MAML2: variants seen among roughly 807,000 people sequenced by gnomAD.
The protein encoded by MAML2 is mastermind-like protein 2.
In MAML2, 22 loss-of-function variants were observed where a neutral mutation model predicts 96.1. The observed-to-expected ratio is 0.23, with a 90% CI of 0.16 to 0.33. The LOEUF (loss-of-function observed/expected upper bound fraction) is 0.33, where lower values mean the gene tolerates loss of function less well. Ranked by LOEUF, MAML2 falls within the 10% of genes least tolerant of loss-of-function variation. The probability of loss-of-function intolerance (pLI) is 1.00; values close to 1 mark genes in which losing one functional copy is unlikely to be tolerated. For synonymous variants in MAML2, 561 were observed against 521.3 expected (o/e 1.08, Z -1.04); for missense variants, 1,367 against 1,392.4 (o/e 0.98, Z 0.29).
intron 1 of MAML2, among the ~76,000 whole-genome samples, chr11:96,339,664 C>T (rs1342252048): frequency 6.6e-6 from 1 of 152,310 alleles, no homozygotes; most frequent in East Asian, 1.9e-4. Context: ...CACAAAGCCG[C>T]ATTATTGGGA....
intron 2 of MAML2, among the ~76,000 whole-genome samples, chr11:96,032,586 CAAA>C (rs59167571): frequency 1.1e-5 from 1 of 91,460 alleles, no homozygotes; most frequent in African/African-American, 4.1e-5. Flanking sequence ...GAGTCTGTCT[CAAA>C]AAAAAAAAAA....
intron 2 of MAML2, among the ~76,000 whole-genome samples, chr11:96,013,144 G>A (rs1345334541): frequency 6.6e-6 from 1 of 152,116 alleles, no homozygotes; most frequent in Admixed American, 6.5e-5. Context: ...GAGAGGTGAG[G>A]GGCAAGGGTT....
intron 3 of MAML2, among the ~76,000 whole-genome samples, chr11:95,986,440 T>A (rs1252302122): frequency 6.6e-6 from 1 of 151,962 alleles, no homozygotes; most frequent in Non-Finnish European, 1.5e-5. Flanking sequence ...GACCTCATGA[T>A]CCACCCAGCT....
In MAML2 at chr11:96,092,786, C is replaced by T; in HGVS notation, c.1245G>A (p.Gln415=). The change falls in exon 2 of 5, where the codon CAG becomes CAA. Residue 415 remains glutamine, a synonymous_variant. Coordinates refer to ENST00000524717, the MANE Select transcript of MAML2 (RefSeq NM_032427.4). The surrounding 1 kb of genome is among the most constrained non-coding windows in gnomAD (Gnocchi z 4.1). ...AGGCCCGGCTTGCTCCGGAGCCTGT[C>T]TGAGGCTGAGCCTGGCTCTGAGGGA... The part of the protein sequence containing the change: ...PSVPQSQAQP[Q]TGSGASRALP... 4 of 1,612,544 alleles carry T rather than the reference C, an allele frequency of 2.5e-6. No individual in the cohort carries two copies. Among genetic ancestry groups the T allele is most frequent in the Non-Finnish European group, 3.4e-6 (4 of 1,178,946 alleles).
intron 1 of MAML2, among the ~76,000 whole-genome samples, chr11:96,123,004 C>G (rs1860376505): frequency 1.3e-5 from 2 of 152,220 alleles, no homozygotes; most frequent in African/African-American, 4.8e-5. Flanking sequence ...CTGGCTGAAT[C>G]CATCTATTCA....
intron 1 of MAML2, among the ~76,000 whole-genome samples, chr11:96,169,529 G>A (rs922434471): frequency 6.6e-5 from 10 of 152,330 alleles, no homozygotes; most frequent in Non-Finnish European, 1.2e-4. Context: ...GTCCTGGGAC[G>A]CAAATTGAAA....
chr11:96,171,690 A>G (rs1861300079), intron 1 of MAML2, among the ~76,000 whole-genome samples: 1 of 152,272 alleles, frequency 6.6e-6, no homozygotes, highest in African/African-American at 2.4e-5. Context: ...AGTAATGAAG[A>G]GCCAAATCAG....
Position 96,111,010 on chromosome 11 carries a change from G to A in MAML2, c.514-17493C>T, listed in dbSNP as rs180760999. On this transcript the variant is annotated intron_variant, in intron 1 of 4. Coordinates refer to ENST00000524717, the MANE Select transcript of MAML2 (RefSeq NM_032427.4). ...TTGGATGCCTATCATGTATTATCAA[G>A]CCTATCATTTTCTCCATCAAAGAAA... is the stretch of plus-strand genomic sequence containing the variant. Among the ~76,000 whole-genome samples, 343 of 152,202 alleles carry A rather than the reference G, an allele frequency of 2.3e-3. 3 individuals are homozygous for A. The highest frequency in any genetic ancestry group is 6.0e-3 in the African/African-American group (247 of 41,500).
intron 1 of MAML2, among the ~76,000 whole-genome samples, chr11:96,139,947 A>T (rs1225433798): frequency 3.9e-5 from 6 of 152,208 alleles, no homozygotes; most frequent in Non-Finnish European, 1.5e-5. Flanking sequence ...TTCTATCTTT[A>T]AAAAAATCTA....
intron 1 of MAML2, among the ~76,000 whole-genome samples, chr11:96,248,104 GT>G (rs1255241683): frequency 2.1e-5 from 3 of 139,878 alleles, no homozygotes; most frequent in African/African-American, 5.2e-5. Flanking sequence ...AACTTCACCT[GT>G]TTTTTTACTT....
intron 1 of MAML2, among the ~76,000 whole-genome samples, chr11:96,154,214 G>C (rs934487892): frequency 1.3e-5 from 2 of 152,160 alleles, no homozygotes; most frequent in Non-Finnish European, 2.9e-5. Flanking sequence ...TCCTGATTCA[G>C]TAGGTCTCGG....
At chr11:96,141,440 C>T (rs902629073) in intron 1 of MAML2, among the ~76,000 whole-genome samples, 1 of 151,962 alleles carries the variant, frequency 6.6e-6, no homozygotes, top group Non-Finnish European at 1.5e-5. Context: ...CGTAAGAGGC[C>T]CCAGCTAGAG....
chr11:96,066,037 A>T (rs896783443), intron 2 of MAML2, among the ~76,000 whole-genome samples: 2 of 152,198 alleles, frequency 1.3e-5, no homozygotes, highest in East Asian at 1.9e-4. Context: ...TCGCTCCAAG[A>T]AAAGTGTCAA....
intron 1 of MAML2, among the ~76,000 whole-genome samples, chr11:96,253,521 A>G (rs1232263063): frequency 6.6e-6 from 1 of 152,212 alleles, no homozygotes; most frequent in African/African-American, 2.4e-5. Flanking sequence ...TAATGTTGTT[A>G]CTTCTGTACT....
chr11:96,291,546 T>C (rs1271679381), intron 1 of MAML2, among the ~76,000 whole-genome samples: 1 of 152,244 alleles, frequency 6.6e-6, no homozygotes. Context: ...CATAATACTC[T>C]GCTTTTAGTG....
At chr11:96,251,934 A>G (rs187696320) in intron 1 of MAML2, among the ~76,000 whole-genome samples, 6 of 151,974 alleles carry the variant, frequency 3.9e-5, no homozygotes, top group Admixed American at 2.6e-4. Context: ...GGGTTTCACC[A>G]TGTTAGCCAG....
intron 1 of MAML2, among the ~76,000 whole-genome samples, chr11:96,262,626 C>A (rs1862767015): frequency 6.6e-6 from 1 of 152,150 alleles, no homozygotes; most frequent in Non-Finnish European, 1.5e-5. Flanking sequence ...CGCCACCACG[C>A]CTGGCTAATG....
At chr11:96,097,739 G>C (rs1000353218) in intron 1 of MAML2, among the ~76,000 whole-genome samples, 35 of 152,176 alleles carry the variant, frequency 2.3e-4, no homozygotes, top group African/African-American at 7.7e-4. Context: ...TCAAAGGCAA[G>C]GGTACCTATG....
intron 2 of MAML2, among the ~76,000 whole-genome samples, chr11:96,008,501 G>T (rs1203465463): frequency 1.3e-5 from 2 of 152,256 alleles, no homozygotes; most frequent in South Asian, 2.1e-4. Flanking sequence ...CCAAATAACA[G>T]TTCACTGAGT....
Sources: allele counts gnomAD v4.1 joint callset (sites outside exome capture counted in the v4.1 genomes callset), GRCh38; gene constraint gnomAD v4.1.1; non-coding constraint Gnocchi (gnomAD v3.1); transcripts MANE v1.5; gene names NCBI Gene and HGNC (gene_info 2026-07-23, HGNC 2026-07-21).